CLASP2: variants seen among roughly 807,000 people sequenced by gnomAD.
The protein encoded by CLASP2 is cytoplasmic linker associated protein 2, also known as CLIP-associating protein 2.
A neutral mutation model predicts 194.4 loss-of-function variants in CLASP2; 47 were observed. The observed-to-expected ratio is 0.24, with a 90% confidence interval of 0.19 to 0.31. The LOEUF (loss-of-function observed/expected upper bound fraction) is 0.31. CLASP2 is among the 10% of genes least tolerant of loss of function. CLASP2 has a pLI of 1.00. For synonymous variants in CLASP2, 619 were observed against 633.5 expected (o/e 0.98, Z 0.34); for missense variants, 1,445 against 1,823.6 (o/e 0.79, Z 3.78).
chr3:33,584,657 T>C (rs2066938334), intron 22 of CLASP2, 93 bp downstream of exon 22: 3 of 1,127,832 alleles, frequency 2.7e-6, no homozygotes, highest in East Asian at 5.0e-5. Flanking sequence ...TTGTAAGTCC[T>C]AATTGTATTC....
intron 13 of CLASP2, among the ~76,000 whole-genome samples, chr3:33,609,618 G>C (rs1211320451): frequency 6.6e-6 from 1 of 151,982 alleles, no homozygotes; most frequent in East Asian, 1.9e-4. Context: ...TGCTCACCTG[G>C]TTGGTACCAA....
At chr3:33,663,257 T>G (rs1171554625) in intron 7 of CLASP2, among the ~76,000 whole-genome samples, 188 bp downstream of exon 7, 1 of 151,178 alleles carries the variant, frequency 6.6e-6, no homozygotes. Context: ...CTATTAAATT[T>G]CCACTCACTC....
At chr3:33,564,748 G>C (rs2062384312) in intron 27 of CLASP2, among the ~76,000 whole-genome samples, 1 of 151,950 alleles carries the variant, frequency 6.6e-6, no homozygotes, top group Admixed American at 6.6e-5. Context: ...GCACCATCAT[G>C]TCCAGTTAAT....
chr3:33,700,832 A>G (rs13314623), intron 1 of CLASP2, among the ~76,000 whole-genome samples: 46,778 of 152,042 alleles, frequency 0.31, 7,442 homozygotes, highest in Admixed American at 0.39. Flanking sequence ...CCTGGGTGAC[A>G]AGAGTGAAAC....
intron 20 of CLASP2, among the ~76,000 whole-genome samples, chr3:33,594,342 T>C (rs2069645299): frequency 1.3e-5 from 2 of 152,054 alleles, no homozygotes; most frequent in Non-Finnish European, 1.5e-5. Context: ...AGACTTCAGG[T>C]AGAGTGAATA....
At chr3:33,594,189 C>T (rs1395257931) in intron 20 of CLASP2, among the ~76,000 whole-genome samples, 1 of 151,826 alleles carries the variant, frequency 6.6e-6, no homozygotes, top group Non-Finnish European at 1.5e-5. Context: ...ACTTAAAATA[C>T]AAAATTATTT....
intron 34 of CLASP2, among the ~76,000 whole-genome samples, chr3:33,529,543 T>C (rs1332466895): frequency 6.6e-6 from 1 of 152,124 alleles, no homozygotes; most frequent in East Asian, 1.9e-4. Context: ...TTTACATTCA[T>C]ATTTGAGGAG....
chr3:33,643,016 C>T (rs2081598050), intron 8 of CLASP2, among the ~76,000 whole-genome samples: 1 of 151,858 alleles, frequency 6.6e-6, no homozygotes, highest in Admixed American at 6.6e-5. Context: ...AATTACTATA[C>T]TCATGAAAGC....
intron 36 of CLASP2, among the ~76,000 whole-genome samples, chr3:33,515,553 G>C (rs946061810): frequency 9.2e-5 from 14 of 152,176 alleles, no homozygotes; most frequent in Non-Finnish European, 2.9e-5. Flanking sequence ...GGGAAGCTGA[G>C]GTGGGAAGAT....
At chr3:33,664,738 C>A (rs530596780) in intron 6 of CLASP2, among the ~76,000 whole-genome samples, 35 of 152,142 alleles carry the variant, frequency 2.3e-4, no homozygotes, top group Admixed American at 8.5e-4. Flanking sequence ...GAACAGACAC[C>A]AAGCAGGTTG....
intron 18 of CLASP2, among the ~76,000 whole-genome samples, chr3:33,600,163 G>T (rs1254189554): frequency 1.3e-5 from 2 of 151,938 alleles, no homozygotes; most frequent in Admixed American, 6.6e-5. Context: ...GAGACAGTTT[G>T]TTCTTCCATT....
intron 6 of CLASP2, among the ~76,000 whole-genome samples, chr3:33,681,175 A>T (rs2089786628): frequency 6.6e-6 from 1 of 151,348 alleles, no homozygotes; most frequent in African/African-American, 2.5e-5. Context: ...TTTAGAAAAG[A>T]TATAATGTAT....
chr3:33,583,693 C>T (rs148440402), intron 22 of CLASP2, among the ~76,000 whole-genome samples: 154 of 151,516 alleles, frequency 1.0e-3, no homozygotes, highest in African/African-American at 2.8e-3. Flanking sequence ...TTGAGGTTGA[C>T]GAAACAAGAA....
chr3:33,527,409 T>C (rs545953270), intron 34 of CLASP2, among the ~76,000 whole-genome samples: 3 of 152,210 alleles, frequency 2.0e-5, no homozygotes, highest in Non-Finnish European at 1.5e-5. Context: ...CCAAAACTGA[T>C]GCAGGAAGAA....
intron 22 of CLASP2, among the ~76,000 whole-genome samples, chr3:33,584,443 T>TTGTA (rs1370753951): frequency 1.1e-4 from 17 of 151,818 alleles, no homozygotes; most frequent in African/African-American, 4.1e-4. Flanking sequence ...TGGCTAATTT[T>TTGTA]TGTATTTTTA....
Position 33,542,612 on chromosome 3 carries a change from T to C in CLASP2, c.3404+821A>G, listed in dbSNP as rs145705424. ...ATGACCTAATGTCATATTTATGATA[T>C]ATGACATGTTATATATGTAATTCAT... is the stretch of plus-strand genomic sequence containing the variant. On this transcript the variant is annotated intron_variant, in intron 32 of 38. Transcript: ENST00000682230. Among the ~76,000 whole-genome samples, 202 of 150,360 alleles carry C rather than the reference T, an allele frequency of 1.3e-3. 2 individuals carry two copies. In the East Asian group the frequency reaches 0.033, roughly 24 times the overall value.
chr3:33,540,547 T>A (rs2058177845), intron 32 of CLASP2, among the ~76,000 whole-genome samples: 1 of 152,160 alleles, frequency 6.6e-6, no homozygotes, highest in African/African-American at 2.4e-5. Flanking sequence ...CTATATGTTA[T>A]AGACATGAAC....
chr3:33,621,418 T>C (rs1325501865), intron 11 of CLASP2, among the ~76,000 whole-genome samples: 1 of 152,224 alleles, frequency 6.6e-6, no homozygotes, highest in Non-Finnish European at 1.5e-5. Context: ...GGGACTTGTA[T>C]CTTGCAACTT....
intron 8 of CLASP2, among the ~76,000 whole-genome samples, chr3:33,636,751 C>T (rs1412201576): frequency 6.6e-6 from 1 of 152,162 alleles, no homozygotes; most frequent in African/African-American, 2.4e-5. Context: ...TAGGCACGTG[C>T]CACCACTCCC....
Sources: gnomAD v4.1 joint callset for allele counts (sites outside exome capture counted in the v4.1 genomes callset) on GRCh38, gnomAD v4.1.1 for gene constraint, MANE v1.5 for transcripts, NCBI Gene and HGNC (gene_info 2026-07-23, HGNC 2026-07-21) for gene names.